The following CAGE1 variants were observed in gnomAD, a reference collection of about 807,000 sequenced individuals.
The protein encoded by CAGE1 is cancer antigen 1.
A neutral mutation model predicts 94.9 loss-of-function variants in CAGE1; 66 were observed. The ratio of observed to expected loss-of-function variants is 0.70; its 90% CI spans 0.57 to 0.85. The LOEUF is 0.85. CAGE1 is among the 40% of genes least tolerant of loss of function. The pLI, the probability that CAGE1 is intolerant of heterozygous loss-of-function variation, is 0.00. For synonymous variants in CAGE1, 319 were observed against 321.0 expected (o/e 0.99, Z 0.07); for missense variants, 865 against 950.4 (o/e 0.91, Z 1.18).
intron 11 of CAGE1, among the ~76,000 whole-genome samples, 170 bp downstream of exon 11, chr6:7,354,871 A>T (rs1002347471): frequency 2.6e-5 from 4 of 152,216 alleles, no homozygotes; most frequent in African/African-American, 9.6e-5. Flanking sequence ...TTAACTGTTG[A>T]AGTAGTCCAG....
At chr6:7,383,548 C>T (rs1330378012) in intron 3 of CAGE1, among the ~76,000 whole-genome samples, 6 of 152,278 alleles carry the variant, frequency 3.9e-5, no homozygotes, top group Admixed American at 2.0e-4. Context: ...TTTTATTTAT[C>T]CCACTGGTTT....
chr6:7,338,510 C>G (rs1463845497), intron 11 of CAGE1, among the ~76,000 whole-genome samples: 4 of 152,062 alleles, frequency 2.6e-5, no homozygotes, highest in African/African-American at 9.7e-5. Context: ...TATGCTTTCT[C>G]TTTTTTAGTT....
At chr6:7,348,106 AGG>A (rs1759632411) in intron 11 of CAGE1, among the ~76,000 whole-genome samples, 1 of 152,142 alleles carries the variant, frequency 6.6e-6, no homozygotes, top group Non-Finnish European at 1.5e-5. Context: ...ACCTCCTCAC[AGG>A]AGGCCAACCA....
Position 7,367,032 on chromosome 6 carries a change from T to C in CAGE1, c.2005-1148A>G, listed in dbSNP as rs548751491. On this transcript the variant is annotated intron_variant, in intron 7 of 13. Coordinates refer to ENST00000502583, the MANE Select transcript of CAGE1 (RefSeq NM_001170692.2). The stretch of plus-strand genomic sequence containing the variant: ...GTGGTGTGCAAAATATTTTTTATTC[T>C]TTATTGCAAACATTTTCCAATATTT... Among the ~76,000 whole-genome samples the C allele has an allele frequency of 2.8e-4, 43 of 152,326 alleles. 1 individual carries two copies. The highest frequency in any genetic ancestry group is 9.9e-4 in the African/African-American group (41 of 41,556).
Position 7,355,022 on chromosome 6 carries a change from A to T in CAGE1, c.2369+19T>A, listed in dbSNP as rs1313593666. ...TTAGTAAATATTCACAAAATTAAGG[A>T]TTCGTTTTTTCAACTTACTGTGCAA... On this transcript the variant is annotated intron_variant, in intron 11 of 13. Transcript: ENST00000502583. 1.3e-6 allele frequency: 2 copies of T among 1,573,254 alleles called. No homozygotes were observed. The highest frequency in any genetic ancestry group is 2.3e-5 in the South Asian group (2 of 87,610).
At chr6:7,380,652 T>A (rs1760901129) in intron 3 of CAGE1, among the ~76,000 whole-genome samples, 1 of 151,146 alleles carries the variant, frequency 6.6e-6, no homozygotes, top group South Asian at 2.1e-4. Context: ...AAAAAAAAAG[T>A]CTTTATTTCA....
Position 7,384,061 on chromosome 6 carries a change from T to A in CAGE1, c.283+1724A>T, listed in dbSNP as rs1258568254. 2.0e-5 allele frequency among the ~76,000 whole-genome samples: 3 copies of A among 152,298 alleles called. No individual in the cohort carries two copies. In the East Asian group the frequency reaches 5.8e-4, roughly 29 times the overall value. The stretch of plus-strand genomic sequence containing the variant: ...CTTTTCTATGTAGAAAAGTACATAT[T>A]TGCAAATAATGATAATTACTTCTCT... On this transcript the variant is annotated intron_variant, in intron 3 of 13. Coordinates refer to ENST00000502583, the MANE Select transcript of CAGE1 (RefSeq NM_001170692.2).
intron 3 of CAGE1, among the ~76,000 whole-genome samples, chr6:7,383,079 G>A (rs994172852): frequency 7.7e-6 from 1 of 129,120 alleles, no homozygotes; most frequent in Admixed American, 8.3e-5. Context: ...TGCTGTTCTT[G>A]CGATAGTTGA....
intron 13 of CAGE1, among the ~76,000 whole-genome samples, chr6:7,327,926 G>A (rs924280022): frequency 4.5e-5 from 5 of 110,530 alleles, no homozygotes; most frequent in African/African-American, 9.1e-5. Context: ...GTGAAACTCC[G>A]TCTAAAAAAT....
intron 7 of CAGE1, among the ~76,000 whole-genome samples, chr6:7,367,873 C>T (rs1177695636): frequency 6.6e-6 from 1 of 152,156 alleles, no homozygotes; most frequent in Non-Finnish European, 1.5e-5. Context: ...ATTTGACATC[C>T]TGTTATCACC....
At chr6:7,364,186 A>C (rs1561860266) in intron 9 of CAGE1, among the ~76,000 whole-genome samples, 1 of 152,172 alleles carries the variant, frequency 6.6e-6, no homozygotes, top group African/African-American at 2.4e-5. Flanking sequence ...CCTATGCCCA[A>C]ATTTTACTGG....
At chr6:7,358,786 C>CTTCAA (rs1760069291) in intron 9 of CAGE1, among the ~76,000 whole-genome samples, 1 of 152,170 alleles carries the variant, frequency 6.6e-6, no homozygotes, top group African/African-American at 2.4e-5. Flanking sequence ...CACCACTACA[C>CTTCAA]TTCAGCCTGG....
intron 4 of CAGE1, among the ~76,000 whole-genome samples, chr6:7,375,291 C>A (rs937930891): frequency 2.0e-5 from 3 of 151,706 alleles, no homozygotes; most frequent in African/African-American, 7.3e-5. Context: ...CACCTGTAGT[C>A]CCAGCTACTC....
chr6:7,371,812 C>A (rs1435493019), intron 5 of CAGE1, among the ~76,000 whole-genome samples: 1 of 151,984 alleles, frequency 6.6e-6, no homozygotes, highest in African/African-American at 2.4e-5. Context: ...AAAACAAATA[C>A]AAAAAATAAA....
At position 7,334,011 on chromosome 6, in the gene CAGE1, G is replaced by A. The variant is rs1222284126; in HGVS notation, c.2438+11C>T. ...AGACATTATTAATTTTAAAAATAAA[G>A]GGAAACTTACCTTGGTTTTCTGGCT... On this transcript the variant is annotated intron_variant, in intron 12 of 13. Transcript: ENST00000502583. 17 of 1,487,758 alleles carry A rather than the reference G, an allele frequency of 1.1e-5. No individual in the cohort carries two copies. In the South Asian group the frequency reaches 1.5e-4, roughly 13 times the overall value. The allele number at this position is 1,487,758 out of a possible 1,614,324, so 92.2% of individuals were successfully genotyped here.
intron 9 of CAGE1, 69 bp downstream of exon 9, chr6:7,365,399 T>C: frequency 7.7e-7 from 1 of 1,304,758 alleles, no homozygotes; most frequent in Non-Finnish European, 1.1e-6. Context: ...GATGATAACT[T>C]CTTAAACTTG....
Position 7,373,984 on chromosome 6 carries a change from C to A in CAGE1, c.835G>T (p.Ala279Ser). ...SSAGISWRSE[A>S]CRENCEMPDW... Reference sequence around the variant, plus strand: ...GGCATCTCACAGTTCTCCCGACATGCTTCACTCCTCCAGGAAATGCCTGCC... The same window carrying A: ...GGCATCTCACAGTTCTCCCGACATGATTCACTCCTCCAGGAAATGCCTGCC... The change falls in exon 5 of 14, where the codon GCA becomes TCA. Residue 279 changes from alanine (A) to serine (S), a missense_variant. Ala to Ser is a moderately conservative substitution (Grantham distance 99). Coordinates refer to ENST00000502583, the MANE Select transcript of CAGE1 (RefSeq NM_001170692.2). 6.2e-7 allele frequency: 1 copy of A among 1,614,048 alleles called. No homozygotes were observed. Among genetic ancestry groups the A allele is most frequent in the Admixed American group, 1.7e-5 (1 of 60,030 alleles).
intron 11 of CAGE1, among the ~76,000 whole-genome samples, chr6:7,351,340 T>C (rs1376258192): frequency 1.3e-5 from 2 of 151,992 alleles, no homozygotes; most frequent in Admixed American, 6.6e-5. Flanking sequence ...CAGGACCAGA[T>C]GGATTCACAG....
chr6:7,348,921 G>C (rs917878208), intron 11 of CAGE1, among the ~76,000 whole-genome samples: 1 of 152,106 alleles, frequency 6.6e-6, no homozygotes, highest in Non-Finnish European at 1.5e-5. Context: ...TATGTTAAAC[G>C]ACCAAACCTG....
Sources: gnomAD v4.1 joint callset for allele counts (sites outside exome capture counted in the v4.1 genomes callset) on GRCh38, gnomAD v4.1.1 for gene constraint, MANE v1.5 for transcripts, NCBI Gene and HGNC (gene_info 2026-07-23, HGNC 2026-07-21) for gene names.